INPP4B: variants seen among roughly 807,000 people sequenced by gnomAD.
INPP4B encodes inositol polyphosphate 4-phosphatase type II.
In INPP4B, 55 loss-of-function variants were observed where a neutral mutation model predicts 122.5. The observed-to-expected ratio is 0.45, with a 90% CI of 0.36 to 0.56. The LOEUF (loss-of-function observed/expected upper bound fraction) is 0.56. INPP4B is among the 20% of genes least tolerant of loss of function. INPP4B has a pLI of 0.00. For synonymous variants in INPP4B, 403 were observed against 388.7 expected, an observed-to-expected ratio of 1.04 and a Z score of -0.43; for missense variants, 1,000 against 1,097.7, an observed-to-expected ratio of 0.91 and a Z score of 1.26.
At position 142,027,836 on chromosome 4, in the gene INPP4B, G is replaced by T. The variant is rs1222274936; in HGVS notation, c.*946C>A. On this transcript the variant is annotated 3_prime_UTR_variant, in exon 26 of 26. Coordinates refer to ENST00000262992, the MANE Select transcript of INPP4B (RefSeq NM_001101669.3). ...AAATAATTGTTTTACTTTATCATTT[G>T]TTGTGGTTGCATATGTTTTAAAGGC... The T allele has an allele frequency of 5.8e-6, 1 of 172,648 alleles. No homozygotes were observed. The highest frequency in any genetic ancestry group is 1.3e-5 in the Non-Finnish European group (1 of 79,882). The allele number at this position is 172,648 out of a possible 1,614,324, so 10.7% of individuals were successfully genotyped here. A position where few individuals can be genotyped will look rare whatever the true frequency, so the allele number is the denominator to read the frequency against.
chr4:142,636,858 A>C (rs1346910499), intron 2 of INPP4B, among the ~76,000 whole-genome samples: 1 of 151,982 alleles, frequency 6.6e-6, no homozygotes, highest in Non-Finnish European at 1.5e-5. Context: ...AATTTTTATA[A>C]AATTACTTGT....
chr4:142,402,555 T>G (rs923120222), intron 7 of INPP4B, among the ~76,000 whole-genome samples: 6 of 152,192 alleles, frequency 3.9e-5, no homozygotes, highest in African/African-American at 1.4e-4. Flanking sequence ...TGCAATACAT[T>G]GTAAAAGTAG....
intron 2 of INPP4B, among the ~76,000 whole-genome samples, chr4:142,575,800 C>T (rs1377431058): frequency 6.6e-6 from 1 of 151,930 alleles, no homozygotes; most frequent in Non-Finnish European, 1.5e-5. Flanking sequence ...ATAAACAATG[C>T]TATGTCACAA....
chr4:142,095,814 G>A (rs1308644982), intron 23 of INPP4B, among the ~76,000 whole-genome samples: 4 of 152,122 alleles, frequency 2.6e-5, no homozygotes, highest in African/African-American at 9.7e-5. Flanking sequence ...TAACTAGATT[G>A]TTGTTTGTTT....
chr4:142,560,106 G>A (rs1730121435), intron 2 of INPP4B, among the ~76,000 whole-genome samples: 1 of 152,106 alleles, frequency 6.6e-6, no homozygotes, highest in African/African-American at 2.4e-5. Context: ...CACAGAAGGG[G>A]GTTTATCAAG....
At chr4:142,753,772 C>T (rs1345620396) in intron 1 of INPP4B, among the ~76,000 whole-genome samples, 1 of 151,956 alleles carries the variant, frequency 6.6e-6, no homozygotes. Flanking sequence ...AGCTTTATAT[C>T]AGTATGACTA....
chr4:142,321,373 G>T (rs1293170312), intron 7 of INPP4B, among the ~76,000 whole-genome samples: 2 of 152,034 alleles, frequency 1.3e-5, no homozygotes, highest in African/African-American at 4.8e-5. Flanking sequence ...CCCTTTGTCA[G>T]ATGCATAGTT....
chr4:142,427,842 G>A (rs887045163), intron 5 of INPP4B, among the ~76,000 whole-genome samples: 2 of 151,918 alleles, frequency 1.3e-5, no homozygotes, highest in African/African-American at 2.4e-5. Context: ...CAAGTTGTAC[G>A]AGTGAAGAGT....
intron 1 of INPP4B, among the ~76,000 whole-genome samples, chr4:142,729,340 C>T (rs945030075): frequency 6.6e-6 from 1 of 152,164 alleles, no homozygotes; most frequent in Non-Finnish European, 1.5e-5. Context: ...TCAGAACACC[C>T]AGCTGCACGT....
At chr4:142,241,181 C>T (rs61286245) in intron 11 of INPP4B, among the ~76,000 whole-genome samples, 2,856 of 152,078 alleles carry the variant, frequency 0.019, 105 homozygotes, top group African/African-American at 0.065. Context: ...CTATGTAATA[C>T]CTATTATAAG....
chr4:142,308,030 G>A (rs1386219064), intron 8 of INPP4B, among the ~76,000 whole-genome samples: 1 of 152,138 alleles, frequency 6.6e-6, no homozygotes, highest in Non-Finnish European at 1.5e-5. Context: ...TAAAATTTAT[G>A]ACCGCAAGTC....
chr4:142,635,413 T>C (rs1469074825), intron 2 of INPP4B, among the ~76,000 whole-genome samples: 4 of 152,156 alleles, frequency 2.6e-5, no homozygotes, highest in African/African-American at 9.7e-5. Context: ...CACATTAATG[T>C]TCATTGCAGC....
At chr4:142,279,081 G>A (rs1457608377) in intron 9 of INPP4B, among the ~76,000 whole-genome samples, 1 of 151,914 alleles carries the variant, frequency 6.6e-6, no homozygotes, top group African/African-American at 2.4e-5. Context: ...ATGTTTAGGA[G>A]TGACTATAAC....
At chr4:142,358,919 C>G (rs1037984940) in intron 7 of INPP4B, among the ~76,000 whole-genome samples, 3 of 151,920 alleles carry the variant, frequency 2.0e-5, no homozygotes, top group Admixed American at 1.3e-4. Context: ...CTTGAAAGTC[C>G]TTATTTGTTG....
chr4:142,388,060 T>C (rs1416361508), intron 7 of INPP4B, among the ~76,000 whole-genome samples: 1 of 152,232 alleles, frequency 6.6e-6, no homozygotes, highest in South Asian at 2.1e-4. Context: ...AACTTCCAAG[T>C]TCTCTTCTTA....
At chr4:142,164,579 T>C (rs1821751706) in intron 16 of INPP4B, among the ~76,000 whole-genome samples, 1 of 151,778 alleles carries the variant, frequency 6.6e-6, no homozygotes, top group South Asian at 2.1e-4. Context: ...ACTTAACATT[T>C]GGGCAGCTCA....
At chr4:142,267,454 AG>A (rs1743370887) in intron 10 of INPP4B, among the ~76,000 whole-genome samples, 1 of 152,232 alleles carries the variant, frequency 6.6e-6, no homozygotes, top group Non-Finnish European at 1.5e-5. Context: ...CCAAAAACAC[AG>A]AATGGAGAAA....
At chr4:142,260,599 G>A in intron 10 of INPP4B, 35 bp from the exon 11 acceptor site, 2 of 1,018,642 alleles carry the variant, frequency 2.0e-6, no homozygotes, top group Non-Finnish European at 2.9e-6. Context: ...AAAAAATTTT[G>A]AGAACAATCA....
chr4:142,430,395 G>T (rs535701872), intron 4 of INPP4B, among the ~76,000 whole-genome samples: 34 of 151,942 alleles, frequency 2.2e-4, no homozygotes, highest in South Asian at 4.1e-4. Context: ...TCTCAAAAAC[G>T]CATCCAACCA....
Sources: gnomAD v4.1 joint callset for allele counts (sites outside exome capture counted in the v4.1 genomes callset) on GRCh38, gnomAD v4.1.1 for gene constraint, MANE v1.5 for transcripts, NCBI Gene and HGNC (gene_info 2026-07-23, HGNC 2026-07-21) for gene names.